The following LPP variants were observed in gnomAD, a reference collection of about 807,000 sequenced individuals.
LPP encodes the protein LIM domain containing preferred translocation partner in lipoma.
Under a neutral mutation model 60.4 loss-of-function variants are expected in LPP, and 38 were observed. The ratio of observed to expected loss-of-function variants is 0.63; its 90% confidence interval spans 0.49 to 0.83. The LOEUF is 0.83. Among genes scored for constraint, LPP ranks in the 40% least tolerant of loss-of-function variants. The probability of loss-of-function intolerance (pLI) is 0.00; values close to 1 mark genes in which losing one functional copy is unlikely to be tolerated. For synonymous variants in LPP, 328 were observed against 290.8 expected (o/e 1.13, Z -1.30); for missense variants, 902 against 783.6 (o/e 1.15, Z -1.80).
At chr3:188,607,474 G>C (rs1278644844) in intron 6 of LPP, among the ~76,000 whole-genome samples, 1 of 141,824 alleles carries the variant, frequency 7.1e-6, no homozygotes, top group Non-Finnish European at 1.5e-5. Context: ...GGAAGGGGTA[G>C]AGAATAGGAA....
At chr3:188,775,495 A>T (rs1043607475) in intron 9 of LPP, among the ~76,000 whole-genome samples, 1 of 152,180 alleles carries the variant, frequency 6.6e-6, no homozygotes, top group African/African-American at 2.4e-5. Flanking sequence ...AACCTGCTAG[A>T]TGTCATCTCA....
chr3:188,382,764 T>C (rs557539421), intron 3 of LPP, among the ~76,000 whole-genome samples: 27 of 152,330 alleles, frequency 1.8e-4, no homozygotes, highest in African/African-American at 6.5e-4. Context: ...TGTTACACAT[T>C]TATTTTGAAG....
intron 2 of LPP, chr3:188,240,150 A>C (rs555301896): frequency 1.6e-5 from 3 of 188,046 alleles, no homozygotes; most frequent in South Asian, 2.0e-4. Context: ...CCTTCAGAGG[A>C]TCTCATCTCA....
chr3:188,438,645 T>G (rs1294468734), intron 4 of LPP, among the ~76,000 whole-genome samples: 3 of 152,120 alleles, frequency 2.0e-5, no homozygotes, highest in African/African-American at 7.2e-5. Context: ...GACTAGAATC[T>G]CATAGGTTTT....
Position 188,500,395 on chromosome 3 carries a change from T to C in LPP, c.306+15691T>C, listed in dbSNP as rs201118308. 2.0e-5 allele frequency among the ~76,000 whole-genome samples: 3 copies of C among 152,280 alleles called. No individual in the cohort carries two copies. In the East Asian group the frequency reaches 5.8e-4, roughly 29 times the overall value. On this transcript the variant is annotated intron_variant, in intron 5 of 11. Coordinates refer to ENST00000617246, the MANE Select transcript of LPP (RefSeq NM_001375462.1). Reference sequence around the variant, plus strand: ...TAATATAATATATAACCTTGATTTGTTTGTTGAGTATCCGTTCGTTACAAT... The same window carrying C: ...TAATATAATATATAACCTTGATTTGCTTGTTGAGTATCCGTTCGTTACAAT...
At chr3:188,656,651 G>A (rs1853281780) in intron 7 of LPP, among the ~76,000 whole-genome samples, 1 of 152,170 alleles carries the variant, frequency 6.6e-6, no homozygotes, top group Admixed American at 6.5e-5. Flanking sequence ...AAATCTGGAG[G>A]GATTTGGGAG....
chr3:188,306,733 G>A (rs111632064), intron 2 of LPP, among the ~76,000 whole-genome samples: 1 of 152,168 alleles, frequency 6.6e-6, no homozygotes, highest in Non-Finnish European at 1.5e-5. Flanking sequence ...GGTGACAGCC[G>A]CTTGGCGCTA....
intron 6 of LPP, among the ~76,000 whole-genome samples, chr3:188,590,755 A>T (rs996707685): frequency 6.6e-6 from 1 of 152,124 alleles, no homozygotes; most frequent in Non-Finnish European, 1.5e-5. Context: ...GATTTAACCC[A>T]GGCTGCATGT....
chr3:188,525,040 C>T (rs1283700904), intron 6 of LPP, among the ~76,000 whole-genome samples: 3 of 146,560 alleles, frequency 2.0e-5, no homozygotes, highest in African/African-American at 7.6e-5. Context: ...AATCTTGTCT[C>T]ACTGCAACCT....
At chr3:188,607,682 A>G (rs1842796059) in intron 6 of LPP, among the ~76,000 whole-genome samples, 1 of 151,800 alleles carries the variant, frequency 6.6e-6, no homozygotes, top group Admixed American at 6.6e-5. Context: ...TTATGATTTA[A>G]CATTTTTATT....
chr3:188,544,022 T>C (rs768363039), intron 6 of LPP, among the ~76,000 whole-genome samples: 11 of 152,136 alleles, frequency 7.2e-5, no homozygotes, highest in Non-Finnish European at 1.2e-4. Context: ...TAACAGGTAA[T>C]GAAAGGTACT....
chr3:188,522,709 T>C (rs1819217152), intron 5 of LPP, among the ~76,000 whole-genome samples: 1 of 150,104 alleles, frequency 6.7e-6, no homozygotes, highest in Non-Finnish European at 1.5e-5. Context: ...CATGACGTGA[T>C]GTAGAGGGGT....
chr3:188,733,514 A>T (rs1721406276), intron 8 of LPP, among the ~76,000 whole-genome samples: 1 of 152,100 alleles, frequency 6.6e-6, no homozygotes, highest in Non-Finnish European at 1.5e-5. Context: ...CTTTATTTGA[A>T]TTGTTTCATG....
At chr3:188,222,892 T>C (rs774959501) in intron 1 of LPP, among the ~76,000 whole-genome samples, 48 of 152,196 alleles carry the variant, frequency 3.2e-4, no homozygotes, top group Non-Finnish European at 5.3e-4. Flanking sequence ...GTCAGGAGTA[T>C]ATTTGAAGAG....
intron 3 of LPP, among the ~76,000 whole-genome samples, chr3:188,367,565 T>A (rs553803063): frequency 1.3e-5 from 2 of 152,224 alleles, no homozygotes; most frequent in Admixed American, 1.3e-4. Flanking sequence ...AAGTTCCTAA[T>A]TGGATTGTAG....
intron 7 of LPP, among the ~76,000 whole-genome samples, chr3:188,641,408 T>TTA (rs1158741887): frequency 2.0e-5 from 3 of 152,142 alleles, no homozygotes; most frequent in African/African-American, 7.2e-5. Flanking sequence ...GTGGGGAGGA[T>TTA]TATACAGTAT....
rs553911547 is a variant in LPP, at chr3:188,781,279, A to G, written c.1410+20997A>G. ...CATGAGTGATCTCTAGCATTTTGTG[A>G]CTGGAAGGAAAGAGACTGGATGACC... On this transcript the variant is annotated intron_variant, in intron 9 of 11. Transcript: ENST00000617246. 4.7e-4 allele frequency among the ~76,000 whole-genome samples: 72 copies of G among 152,310 alleles called. 2 individuals carry two copies. Among genetic ancestry groups the G allele is most frequent in the Admixed American group, 4.6e-4 (7 of 15,294 alleles).
At chr3:188,539,076 A>G (rs111453705) in intron 6 of LPP, among the ~76,000 whole-genome samples, 1,875 of 152,310 alleles carry the variant, frequency 0.012, 37 homozygotes, top group African/African-American at 0.042. Flanking sequence ...TGATTAAAGT[A>G]TTCTGGAATT....
chr3:188,509,859 A>ATTT (rs1342110915), intron 5 of LPP, among the ~76,000 whole-genome samples: 2 of 103,602 alleles, frequency 1.9e-5, no homozygotes, highest in African/African-American at 3.5e-5. Flanking sequence ...TGCCTGGCTA[A>ATTT]TTTTTTTTTT....
Sources: gnomAD v4.1 joint callset for allele counts (sites outside exome capture counted in the v4.1 genomes callset) on GRCh38, gnomAD v4.1.1 for gene constraint, MANE v1.5 for transcripts, NCBI Gene and HGNC (gene_info 2026-07-23, HGNC 2026-07-21) for gene names.